The following DNAJC1 variants were observed in gnomAD, a reference collection of about 807,000 sequenced individuals.
DNAJC1 encodes the protein dnaJ homolog subfamily C member 1.
In DNAJC1, 58 loss-of-function variants were observed where a neutral mutation model predicts 76.6. That is an observed-to-expected ratio of 0.76 (90% CI 0.61 to 0.94). DNAJC1 has a LOEUF of 0.94. Among genes scored for constraint, DNAJC1 ranks in the 40% least tolerant of loss-of-function variants. The pLI is 0.00. For synonymous variants in DNAJC1, 258 were observed against 267.9 expected (o/e 0.96, Z 0.36); for missense variants, 689 against 677.3 (o/e 1.02, Z -0.19).
intron 7 of DNAJC1, among the ~76,000 whole-genome samples, chr10:21,894,037 T>C (rs891162670): frequency 6.6e-6 from 1 of 152,118 alleles, no homozygotes; most frequent in Non-Finnish European, 1.5e-5. Flanking sequence ...ATACATGTAT[T>C]TGACAACTTA....
chr10:21,906,496 A>G (rs1292452648), intron 6 of DNAJC1, among the ~76,000 whole-genome samples: 2 of 152,186 alleles, frequency 1.3e-5, no homozygotes, highest in African/African-American at 4.8e-5. Flanking sequence ...GAAGAAGAAA[A>G]GGTCAGGAAG....
chr10:21,770,084 T>C (rs938127564), intron 9 of DNAJC1, among the ~76,000 whole-genome samples: 3 of 148,418 alleles, frequency 2.0e-5, no homozygotes, highest in Non-Finnish European at 4.4e-5. Context: ...ATCTAACGAG[T>C]CCATTTTTGG....
At chr10:21,952,344 G>T (rs968868060) in intron 1 of DNAJC1, among the ~76,000 whole-genome samples, 1 of 152,218 alleles carries the variant, frequency 6.6e-6, no homozygotes, top group South Asian at 2.1e-4. Context: ...CATAAAAACA[G>T]ACAACTTAAA....
intron 8 of DNAJC1, among the ~76,000 whole-genome samples, chr10:21,844,935 C>T (rs1835631115): frequency 6.6e-6 from 1 of 152,140 alleles, no homozygotes; most frequent in Admixed American, 6.5e-5. Context: ...GAGGCTGGAG[C>T]AGGAGGACTG....
intron 8 of DNAJC1, among the ~76,000 whole-genome samples, chr10:21,823,174 G>A (rs974469915): frequency 1.3e-5 from 2 of 152,038 alleles, no homozygotes; most frequent in Admixed American, 6.6e-5. Flanking sequence ...AATCACAAGC[G>A]AAATCTATTA....
intron 8 of DNAJC1, among the ~76,000 whole-genome samples, chr10:21,840,391 A>G (rs1235135970): frequency 2.0e-5 from 3 of 152,242 alleles, no homozygotes; most frequent in Non-Finnish European, 4.4e-5. Context: ...GCTGATAAGC[A>G]ACTTCAGCAA....
intron 7 of DNAJC1, among the ~76,000 whole-genome samples, chr10:21,897,771 T>C (rs115912474): frequency 9.6e-4 from 146 of 152,312 alleles, no homozygotes; most frequent in African/African-American, 3.4e-3. Flanking sequence ...ACATCATACT[T>C]AACGGTGTAA....
intron 8 of DNAJC1, among the ~76,000 whole-genome samples, chr10:21,866,776 T>C (rs1836008500): frequency 6.6e-6 from 1 of 152,146 alleles, no homozygotes; most frequent in Admixed American, 6.5e-5. Context: ...GAGTAGTCCA[T>C]AAAGCCAGTG....
chr10:21,824,711 ATTTTT>A (rs1175138684), intron 8 of DNAJC1, among the ~76,000 whole-genome samples: 1 of 152,084 alleles, frequency 6.6e-6, no homozygotes, highest in African/African-American at 2.4e-5. Flanking sequence ...TTATTCTTTT[ATTTTT>A]AATTGTGGTA....
At position 21,775,331 on chromosome 10, in the gene DNAJC1, CTT is replaced by C. The variant is rs34444920; in HGVS notation, c.1099-9024_1099-9023del. 2.6e-3 allele frequency among the ~76,000 whole-genome samples: 130 copies of C among 49,672 alleles called. 1 individual carries two copies. The highest frequency in any genetic ancestry group is 0.024 in the South Asian group (20 of 820). 32.6% of individuals were successfully genotyped at this position (49,672 alleles called of 152,430 possible). A position where few individuals can be genotyped will look rare whatever the true frequency, so the allele number is the denominator to read the frequency against. On this transcript the variant is annotated intron_variant, in intron 9 of 11. Transcript: ENST00000376980. ...TCATAAAAACGTTAACTGCAAATGG[CTT>C]TTTTTTTTTTTTTTTTTTTTTTTAG...
intron 8 of DNAJC1, among the ~76,000 whole-genome samples, chr10:21,839,662 T>C (rs1057088494): frequency 1.3e-5 from 2 of 152,232 alleles, no homozygotes; most frequent in African/African-American, 4.8e-5. Context: ...AGCCGAATTC[T>C]ACCAGAGGTA....
chr10:21,918,782 G>C lies in DNAJC1; in HGVS notation c.726C>G (p.Ile242Met), dbSNP rs1310682135. 2 of 1,608,376 alleles carry C rather than the reference G, an allele frequency of 1.2e-6. No individual in the cohort carries two copies. The highest frequency in any genetic ancestry group is 1.3e-5 in the African/African-American group (1 of 74,790). Residue 242 changes from isoleucine to methionine, a missense_variant, in exon 6 of 12, where the codon ATC (isoleucine) becomes ATG (methionine). By Grantham distance (10) the Ile-to-Met change is conservative (BLOSUM62 1). Transcript: ENST00000376980. ...CLTLKALPHL[I>M]QDAGQFYAKY... Reference sequence around the variant, plus strand: ...ATATAAAAGAGGTACATTTTACCTGGATGAGGTGAGGTAATGCTTTTAGTG... The same window carrying C: ...ATATAAAAGAGGTACATTTTACCTGCATGAGGTGAGGTAATGCTTTTAGTG...
chr10:21,939,371 A>T (rs193015075), intron 1 of DNAJC1, among the ~76,000 whole-genome samples: 151 of 152,324 alleles, frequency 9.9e-4, no homozygotes, highest in African/African-American at 3.5e-3. Context: ...TAATTTGTAT[A>T]GTGTTATTAA....
intron 1 of DNAJC1, among the ~76,000 whole-genome samples, chr10:21,951,220 T>C (rs954992268): frequency 6.6e-6 from 1 of 151,814 alleles, no homozygotes; most frequent in Admixed American, 6.6e-5. Flanking sequence ...CTAAGGAGGC[T>C]GAGGCAGGAG....
At chr10:21,769,794 C>A (rs1206838518) in intron 9 of DNAJC1, among the ~76,000 whole-genome samples, 1 of 152,172 alleles carries the variant, frequency 6.6e-6, no homozygotes, top group Non-Finnish European at 1.5e-5. Context: ...TCAAGCAATT[C>A]TCCTGCCTCA....
intron 9 of DNAJC1, among the ~76,000 whole-genome samples, chr10:21,794,012 C>A (rs112098089): frequency 1.3e-5 from 2 of 151,996 alleles, no homozygotes; most frequent in Admixed American, 1.3e-4. Flanking sequence ...AGGTGGCTCA[C>A]GCCTGTAATC....
chr10:21,984,764 T>G (rs1838212480), intron 1 of DNAJC1, among the ~76,000 whole-genome samples: 1 of 152,178 alleles, frequency 6.6e-6, no homozygotes, highest in African/African-American at 2.4e-5. Flanking sequence ...AACAAGTCTT[T>G]AAGACACTGT....
rs563350304 is a variant in DNAJC1, at chr10:21,793,618, A to T, written c.1098+12362T>A. On this transcript the variant is annotated intron_variant, in intron 9 of 11. Transcript: ENST00000376980. ...ATATAAAAATCCACTGTATTCCTAC[A>T]TACCAGCAATGGACAATTTGAAAGT... Among the ~76,000 whole-genome samples the T allele has an allele frequency of 4.2e-4, 64 of 152,356 alleles. 1 individual carries two copies. The highest frequency in any genetic ancestry group is 1.5e-3 in the African/African-American group (63 of 41,580).
At chr10:21,978,077 T>C (rs1838093309) in intron 1 of DNAJC1, among the ~76,000 whole-genome samples, 1 of 152,162 alleles carries the variant, frequency 6.6e-6, no homozygotes, top group Non-Finnish European at 1.5e-5. Context: ...ATAGTTTCTC[T>C]TCCTAAAGCT....
Sources: gnomAD v4.1 joint callset for allele counts (sites outside exome capture counted in the v4.1 genomes callset) on GRCh38, gnomAD v4.1.1 for gene constraint, MANE v1.5 for transcripts, NCBI Gene and HGNC (gene_info 2026-07-23, HGNC 2026-07-21) for gene names.